STAG1: variants seen among roughly 807,000 people sequenced by gnomAD.
STAG1 encodes STAG1 cohesin complex component.
Under a neutral mutation model 170.9 loss-of-function variants are expected in STAG1, and 26 were observed. That is an observed-to-expected ratio of 0.15 (90% CI 0.11 to 0.21). STAG1 has a LOEUF of 0.21. STAG1 is among the 10% of genes least tolerant of loss of function. The probability of loss-of-function intolerance (pLI) is 1.00; values close to 1 mark genes in which losing one functional copy is unlikely to be tolerated. For missense variants in STAG1, 964 were observed against 1,509.5 expected (o/e 0.64, Z 5.99); for synonymous variants, 514 against 497.7 (o/e 1.03, Z -0.44).
chr3:136,658,312 G>A (rs1941462278), intron 1 of STAG1, among the ~76,000 whole-genome samples: 1 of 151,832 alleles, frequency 6.6e-6, no homozygotes. Flanking sequence ...AAAAAGTAAT[G>A]AGGGCATCCC....
At chr3:136,446,713 G>C (rs1478554790) in intron 14 of STAG1, among the ~76,000 whole-genome samples, 1 of 151,630 alleles carries the variant, frequency 6.6e-6, no homozygotes, top group East Asian at 1.9e-4. Flanking sequence ...ATGAGTCACA[G>C]TGCCTGGCCT....
chr3:136,739,544 G>A (rs2107949301), intron 1 of STAG1, among the ~76,000 whole-genome samples: 1 of 151,356 alleles, frequency 6.6e-6, no homozygotes, highest in East Asian at 1.9e-4. Context: ...GAAAGGCTAG[G>A]TGTGGTGGCT....
At chr3:136,622,288 C>T (rs2107830022) in intron 3 of STAG1, among the ~76,000 whole-genome samples, 1 of 152,084 alleles carries the variant, frequency 6.6e-6, no homozygotes, top group South Asian at 2.1e-4. Flanking sequence ...CATTGCACTC[C>T]AGCCTGGGCA....
intron 21 of STAG1, among the ~76,000 whole-genome samples, chr3:136,402,093 C>T (rs2087343719): frequency 6.6e-6 from 1 of 152,082 alleles, no homozygotes; most frequent in African/African-American, 2.4e-5. Context: ...CTATGATCTT[C>T]CCCACTTGAT....
intron 4 of STAG1, 113 bp downstream of exon 4, chr3:136,604,196 G>C (rs191679309): frequency 2.2e-4 from 199 of 924,290 alleles, no homozygotes; most frequent in Admixed American, 1.8e-3. Flanking sequence ...TAAACTGAAA[G>C]GTTGCTTACA....
intron 15 of STAG1, among the ~76,000 whole-genome samples, chr3:136,434,811 T>C (rs2088407935): frequency 6.6e-6 from 1 of 152,198 alleles, no homozygotes; most frequent in East Asian, 1.9e-4. Context: ...TTGCTTGCTC[T>C]TTTGCTCTTC....
At chr3:136,704,103 T>C (rs1245271030) in intron 1 of STAG1, among the ~76,000 whole-genome samples, 3 of 148,400 alleles carry the variant, frequency 2.0e-5, no homozygotes, top group East Asian at 2.0e-4. Flanking sequence ...CAGGCTGGAG[T>C]GCAGTGGTGC....
intron 31 of STAG1, 129 bp downstream of exon 31, chr3:136,341,312 G>T: frequency 1.6e-6 from 1 of 625,342 alleles, no homozygotes; most frequent in Non-Finnish European, 2.8e-6. Flanking sequence ...CCTTTCCTAT[G>T]CTGCATAGCA....
chr3:136,646,597 C>T (rs1178443482), intron 1 of STAG1, among the ~76,000 whole-genome samples: 1 of 152,092 alleles, frequency 6.6e-6, no homozygotes, highest in Admixed American at 6.6e-5. Flanking sequence ...CTCTAGTGTT[C>T]CATAGCACTA....
At chr3:136,732,668 G>A (rs898537331) in intron 1 of STAG1, among the ~76,000 whole-genome samples, 2 of 151,950 alleles carry the variant, frequency 1.3e-5, no homozygotes, top group Non-Finnish European at 2.9e-5. Context: ...AGAGTGCAGC[G>A]GCGCAATCTC....
At position 136,338,520 on chromosome 3, in the gene STAG1, A is replaced by AGTTCCAT. The variant is rs1935799481; in HGVS notation, c.3673-71_3673-70insATGGAAC. The AGTTCCAT allele has an allele frequency of 3.5e-6, 4 of 1,136,654 alleles. No individual in the cohort carries two copies. The East Asian group carries it at 9.5e-5, about 27-fold the overall frequency. The allele number at this position is 1,136,654 out of a possible 1,614,324, so 70.4% of individuals were successfully genotyped here. ...AGACAATGAATTGTGATAATCAGCT[A>AGTTCCAT]ATATTTCTGACAGTATCATAAATAT... On this transcript the variant is annotated intron_variant, in intron 32 of 33. Transcript: ENST00000383202.
chr3:136,528,980 A>T (rs2107924380), intron 6 of STAG1, among the ~76,000 whole-genome samples: 1 of 152,028 alleles, frequency 6.6e-6, no homozygotes, highest in East Asian at 1.9e-4. Flanking sequence ...CAAACCAAAA[A>T]ACCCCCACAA....
intron 21 of STAG1, among the ~76,000 whole-genome samples, chr3:136,408,323 AT>A (rs1349595150): frequency 3.9e-5 from 6 of 152,304 alleles, no homozygotes; most frequent in African/African-American, 1.4e-4. Context: ...GAAGTCAGGT[AT>A]TTTTTAAAAA....
At chr3:136,590,998 T>A (rs1292453984) in intron 4 of STAG1, among the ~76,000 whole-genome samples, 1 of 151,734 alleles carries the variant, frequency 6.6e-6, no homozygotes, top group Non-Finnish European at 1.5e-5. Context: ...TGTTTTGTTT[T>A]TTTTTGCATA....
intron 10 of STAG1, among the ~76,000 whole-genome samples, chr3:136,474,452 G>A (rs1329974857): frequency 6.6e-6 from 1 of 152,082 alleles, no homozygotes; most frequent in Non-Finnish European, 1.5e-5. Flanking sequence ...ATTATCGTAG[G>A]GATTAAGTGC....
chr3:136,411,150 G>A (rs914295042), intron 21 of STAG1, among the ~76,000 whole-genome samples: 1 of 152,064 alleles, frequency 6.6e-6, no homozygotes, highest in Non-Finnish European at 1.5e-5. Context: ...CATTTTTATG[G>A]GTGTAGTCGC....
intron 1 of STAG1, among the ~76,000 whole-genome samples, chr3:136,669,155 C>CGTAA (rs1472697125): frequency 6.6e-6 from 1 of 152,134 alleles, no homozygotes; most frequent in East Asian, 1.9e-4. Context: ...TGTAGTATTA[C>CGTAA]CTCTGTCACA....
At chr3:136,560,002 TGAAAA>T (rs1413723085) in intron 5 of STAG1, among the ~76,000 whole-genome samples, 4 of 152,216 alleles carry the variant, frequency 2.6e-5, no homozygotes, top group Admixed American at 6.5e-5. Context: ...AACAACTTCC[TGAAAA>T]GAATGTTAGG....
At chr3:136,451,017 G>A (rs1423537138) in intron 14 of STAG1, among the ~76,000 whole-genome samples, 1 of 152,076 alleles carries the variant, frequency 6.6e-6, no homozygotes, top group Non-Finnish European at 1.5e-5. Context: ...CCAAAGTGCT[G>A]GGATTACAAG....
Sources: gnomAD v4.1 joint callset for allele counts (sites outside exome capture counted in the v4.1 genomes callset) on GRCh38, gnomAD v4.1.1 for gene constraint, MANE v1.5 for transcripts, NCBI Gene and HGNC (gene_info 2026-07-23, HGNC 2026-07-21) for gene names.